The following KIAA1217 variants were observed in gnomAD, a reference collection of about 807,000 sequenced individuals.
KIAA1217 encodes sickle tail protein homolog.
Under a neutral mutation model 163.9 loss-of-function variants are expected in KIAA1217, and 88 were observed. That is an observed-to-expected ratio of 0.54 (90% CI 0.45 to 0.64). The LOEUF (loss-of-function observed/expected upper bound fraction) is 0.64. Ranked by LOEUF, KIAA1217 falls within the 30% of genes least tolerant of loss-of-function variation. KIAA1217 has a pLI of 0.00. For missense variants in KIAA1217, 2,372 were observed against 2,475.0 expected, an observed-to-expected ratio of 0.96 and a Z score of 0.88; for synonymous variants, 903 against 923.1, an observed-to-expected ratio of 0.98 and a Z score of 0.39.
chr10:23,824,626 CT>C (rs2131021748), intron 1 of KIAA1217, among the ~76,000 whole-genome samples: 1 of 63,476 alleles, frequency 1.6e-5, no homozygotes, highest in East Asian at 5.6e-4. Flanking sequence ...GAAACTCTGT[CT>C]CAAGAAAAAA....
intron 2 of KIAA1217, chr10:24,239,047 G>A (rs2072685475): frequency 2.0e-6 from 1 of 502,908 alleles, no homozygotes; most frequent in African/African-American, 2.1e-5. Context: ...ATGTCGGCAG[G>A]TGGGGTTAGG....
intron 2 of KIAA1217, among the ~76,000 whole-genome samples, chr10:24,129,394 A>ATGTT (rs2063574576): frequency 6.6e-6 from 1 of 152,292 alleles, no homozygotes; most frequent in South Asian, 2.1e-4. Context: ...CTTAGCATTA[A>ATGTT]TGTTTGAAAG....
intron 2 of KIAA1217, among the ~76,000 whole-genome samples, chr10:24,251,548 A>G (rs1358549938): frequency 1.3e-5 from 2 of 152,142 alleles, no homozygotes; most frequent in East Asian, 3.9e-4. Context: ...AAAAAATCAG[A>G]TGATCAGGAA....
chr10:24,167,825 C>G lies in KIAA1217; in HGVS notation c.-170-51801C>G, dbSNP rs532014410. ...TCATAATTCTAGAGGCTGGGAAGTC[C>G]AAGATCAAGGGGTTGGCATCTGGCA... On this transcript the variant is annotated intron_variant, in intron 2 of 18. Transcript: ENST00000376462. Among the ~76,000 whole-genome samples the G allele has an allele frequency of 3.9e-5, 6 of 152,200 alleles. No individual in the cohort carries two copies. In the South Asian group the frequency reaches 1.2e-3, roughly 32 times the overall value.
intron 1 of KIAA1217, among the ~76,000 whole-genome samples, chr10:23,904,411 G>A (rs117215402): frequency 0.018 from 2,702 of 152,148 alleles, 43 homozygotes; most frequent in Admixed American, 0.049. Flanking sequence ...TATATTTGTC[G>A]GGATAGGCTA....
chr10:24,340,203 T>C (rs420045), intron 2 of KIAA1217, among the ~76,000 whole-genome samples: 114,337 of 152,112 alleles, frequency 0.75, 43,593 homozygotes, highest in East Asian at 0.86. Flanking sequence ...GTTGGTGGTA[T>C]GGCTTGGCCG....
intron 5 of KIAA1217, among the ~76,000 whole-genome samples, chr10:24,467,904 A>G (rs1478065988): frequency 6.6e-6 from 1 of 152,066 alleles, no homozygotes; most frequent in African/African-American, 2.4e-5. Context: ...TTTGAGTACC[A>G]GCGCAGGAAA....
intron 9 of KIAA1217, among the ~76,000 whole-genome samples, chr10:24,506,688 ATGGG>A (rs2134105479): frequency 6.6e-6 from 1 of 152,324 alleles, no homozygotes; most frequent in African/African-American, 2.4e-5. Context: ...CCTTAGGAGA[ATGGG>A]GGGAAAAAAC....
At chr10:24,070,157 G>T (rs951908775) in intron 2 of KIAA1217, among the ~76,000 whole-genome samples, 5 of 151,976 alleles carry the variant, frequency 3.3e-5, no homozygotes, top group Non-Finnish European at 5.9e-5. Flanking sequence ...TATAAAAGAG[G>T]GGTTAAAGGA....
intron 1 of KIAA1217, among the ~76,000 whole-genome samples, chr10:23,718,390 A>G (rs1216531302): frequency 1.3e-5 from 2 of 152,214 alleles, no homozygotes; most frequent in Admixed American, 6.5e-5. Context: ...CCATTTGTTT[A>G]TTAAGCAAAT....
At position 24,162,153 on chromosome 10, in the gene KIAA1217, C is replaced by T. The variant is rs115769011; in HGVS notation, c.-170-57473C>T. 4.0e-3 allele frequency among the ~76,000 whole-genome samples: 615 copies of T among 152,320 alleles called. 1 individual carries two copies. The highest frequency in any genetic ancestry group is 0.014 in the African/African-American group (596 of 41,576). The stretch of plus-strand genomic sequence containing the variant: ...AATATCAAATTTGGGTTCAAAGGTA[C>T]TTTCAAATATCCTTTCTACAGAATC... On this transcript the variant is annotated intron_variant, in intron 2 of 18. Coordinates refer to the KIAA1217 transcript ENST00000376462.
chr10:24,365,945 A>T (rs2050723669), intron 2 of KIAA1217, among the ~76,000 whole-genome samples: 1 of 152,190 alleles, frequency 6.6e-6, no homozygotes, highest in South Asian at 2.1e-4. Context: ...TAATTCAATC[A>T]TGACGGTACT....
In KIAA1217 at chr10:24,168,969, A is replaced by C. The variant is rs548171009; in HGVS notation, c.-170-50657A>C. On this transcript the variant is annotated intron_variant, in intron 2 of 18. Coordinates refer to the KIAA1217 transcript ENST00000376462. ...CCAAGCACACGATCTAGGTGCTGGC[A>C]GAGCACAGGGTCATTCAAGTGCATA... 3.9e-5 allele frequency among the ~76,000 whole-genome samples: 6 copies of C among 152,380 alleles called. No homozygotes were observed. The South Asian group carries it at 8.3e-4, about 21-fold the overall frequency.
chr10:24,281,544 G>T (rs2077926214), intron 2 of KIAA1217, among the ~76,000 whole-genome samples: 1 of 152,128 alleles, frequency 6.6e-6, no homozygotes, highest in African/African-American at 2.4e-5. Context: ...TGCTTGGTAA[G>T]ATCTGTTCCT....
chr10:24,406,573 G>A (rs763251748), intron 3 of KIAA1217, among the ~76,000 whole-genome samples: 3 of 152,122 alleles, frequency 2.0e-5, no homozygotes, highest in African/African-American at 2.4e-5. Context: ...AAGCTCTCCA[G>A]TTTATACAAT....
intron 2 of KIAA1217, among the ~76,000 whole-genome samples, chr10:24,020,293 C>G (rs887571887): frequency 6.6e-6 from 1 of 152,032 alleles, no homozygotes; most frequent in African/African-American, 2.4e-5. Flanking sequence ...TGAAAATCAG[C>G]AACTTAATTG....
intron 2 of KIAA1217, among the ~76,000 whole-genome samples, chr10:24,150,649 T>A (rs542428896): frequency 6.6e-6 from 1 of 152,306 alleles, no homozygotes; most frequent in Non-Finnish European, 1.5e-5. Flanking sequence ...TAGGAGTTTA[T>A]AGATAATCAA....
chr10:24,027,532 C>T (rs1288498237), intron 2 of KIAA1217, among the ~76,000 whole-genome samples: 1 of 152,008 alleles, frequency 6.6e-6, no homozygotes, highest in Non-Finnish European at 1.5e-5. Context: ...AAAATGATGC[C>T]ATTTACAGTT....
At position 24,008,728 on chromosome 10, in the gene KIAA1217, GTC is replaced by G. The variant is rs201755446; in HGVS notation, c.-171+1358_-171+1359del. Among the ~76,000 whole-genome samples, 667 of 152,242 alleles carry G rather than the reference GTC, an allele frequency of 4.4e-3. 11 individuals carry two copies. Among genetic ancestry groups the G allele is most frequent in the African/African-American group, 0.015 (638 of 41,554 alleles). ...TGTCTCTATAAATACTGTTGTGACT[GTC>G]TCTGCCAAACCAGCTACCTTTCTCA... On this transcript the variant is annotated intron_variant, in intron 2 of 18. Coordinates refer to the KIAA1217 transcript ENST00000376462.
Sources: allele counts gnomAD v4.1 joint callset (sites outside exome capture counted in the v4.1 genomes callset), GRCh38; gene constraint gnomAD v4.1.1; transcripts MANE v1.5; gene names NCBI Gene and HGNC (gene_info 2026-07-23, HGNC 2026-07-21).